Variants in GPR39 observed in about 807,000 individuals in gnomAD.
GPR39 encodes G protein-coupled receptor 39, also known as zinc sensing receptor.
A neutral mutation model predicts 18.4 loss-of-function variants in GPR39; 23 were observed. The ratio of observed to expected loss-of-function variants is 1.25; its 90% CI spans 0.90 to 1.77. The LOEUF (loss-of-function observed/expected upper bound fraction) is 1.77. Ranked by LOEUF, GPR39 falls within the 40% of genes most tolerant of loss-of-function variation. GPR39 has a pLI of 0.00. For synonymous variants in GPR39, 280 were observed against 257.9 expected, an observed-to-expected ratio of 1.09 and a Z score of -0.82; for missense variants, 647 against 602.4, an observed-to-expected ratio of 1.07 and a Z score of -0.78.
intron 1 of GPR39, among the ~76,000 whole-genome samples, chr2:132,568,239 A>T (rs1464800725): frequency 6.6e-6 from 1 of 152,124 alleles, no homozygotes; most frequent in African/African-American, 2.4e-5. Context: ...GGGGAGATTT[A>T]GAAAAAGTGT....
chr2:132,476,205 A>G (rs1166426830), intron 1 of GPR39, among the ~76,000 whole-genome samples: 1 of 152,194 alleles, frequency 6.6e-6, no homozygotes, highest in Non-Finnish European at 1.5e-5. Context: ...AAAAGACCAA[A>G]GGTGAATTGT....
chr2:132,504,228 A>G lies in GPR39; in HGVS notation c.856+86330A>G, dbSNP rs73957914. On this transcript the variant is annotated intron_variant, in intron 1 of 1. Coordinates refer to ENST00000329321, the MANE Select transcript of GPR39 (RefSeq NM_001508.3). ...GAGCTGCAAGCTAGTCTTTCTTCCT[A>G]TCATATCTATGATTCTTTAGCAATT... Among the ~76,000 whole-genome samples the G allele has an allele frequency of 2.4e-3, 369 of 152,264 alleles. 1 individual carries two copies. Among genetic ancestry groups the G allele is most frequent in the South Asian group, 9.5e-3 (46 of 4,822 alleles).
At chr2:132,444,449 C>G (rs1476539007) in intron 1 of GPR39, among the ~76,000 whole-genome samples, 3 of 152,110 alleles carry the variant, frequency 2.0e-5, no homozygotes, top group Non-Finnish European at 4.4e-5. Context: ...CGCCCATACC[C>G]AGTTGACTTT....
chr2:132,534,734 C>G (rs1435379463), intron 1 of GPR39, among the ~76,000 whole-genome samples: 1 of 151,506 alleles, frequency 6.6e-6, no homozygotes, highest in Non-Finnish European at 1.5e-5. Context: ...CAAACTATCG[C>G]AAGGACAAAA....
intron 1 of GPR39, among the ~76,000 whole-genome samples, chr2:132,644,074 AT>A (rs917148539): frequency 6.6e-6 from 1 of 152,200 alleles, no homozygotes; most frequent in African/African-American, 2.4e-5. Context: ...TGCTTCACAG[AT>A]CCCCTGATCT....
At chr2:132,494,251 G>A (rs1681595667) in intron 1 of GPR39, among the ~76,000 whole-genome samples, 1 of 152,136 alleles carries the variant, frequency 6.6e-6, no homozygotes, top group Non-Finnish European at 1.5e-5. Flanking sequence ...TAATATGGCT[G>A]ATGCCTCCAC....
intron 1 of GPR39, among the ~76,000 whole-genome samples, chr2:132,544,660 G>A (rs907480797): frequency 3.3e-5 from 5 of 152,230 alleles, no homozygotes; most frequent in African/African-American, 1.2e-4. Context: ...TCATCCTGCA[G>A]TTGGGCTGGG....
At chr2:132,531,127 CAT>C (rs1679619844) in intron 1 of GPR39, among the ~76,000 whole-genome samples, 3 of 152,132 alleles carry the variant, frequency 2.0e-5, no homozygotes, top group Admixed American at 1.3e-4. Context: ...TGCAGAGACA[CAT>C]ATAGGCTCAA....
At chr2:132,625,789 C>T (rs1309940620) in intron 1 of GPR39, among the ~76,000 whole-genome samples, 1 of 152,146 alleles carries the variant, frequency 6.6e-6, no homozygotes, top group Non-Finnish European at 1.5e-5. Flanking sequence ...TTATGATTCT[C>T]TTAGTCCAAC....
At chr2:132,466,456 T>C (rs975501092) in intron 1 of GPR39, among the ~76,000 whole-genome samples, 1 of 152,174 alleles carries the variant, frequency 6.6e-6, no homozygotes, top group African/African-American at 2.4e-5. Context: ...AAGGTCAGGG[T>C]AGGCTCCAGC....
At position 132,493,029 on chromosome 2, in the gene GPR39, T is replaced by C. The variant is rs1349091156; in HGVS notation, c.856+75131T>C. Among the ~76,000 whole-genome samples the C allele has an allele frequency of 4.6e-5, 6 of 130,092 alleles. No homozygotes were observed. The East Asian group carries it at 8.7e-4, about 19-fold the overall frequency. 85.3% of individuals were successfully genotyped at this position (130,092 alleles called of 152,430 possible). A position where few individuals can be genotyped will look rare whatever the true frequency, so the allele number is the denominator to read the frequency against. ...ATATACACTATATATACTATATATA[T>C]ACCATATATATACCATATATACCAT... On this transcript the variant is annotated intron_variant, in intron 1 of 1. Transcript: ENST00000329321.
At chr2:132,522,765 A>G (rs1679447993) in intron 1 of GPR39, among the ~76,000 whole-genome samples, 2 of 152,242 alleles carry the variant, frequency 1.3e-5, no homozygotes, top group African/African-American at 4.8e-5. Context: ...GCCAGGAAGC[A>G]GAGCCTCCTT....
At chr2:132,498,237 GC>G (rs1681685550) in intron 1 of GPR39, among the ~76,000 whole-genome samples, 2 of 151,910 alleles carry the variant, frequency 1.3e-5, no homozygotes, top group African/African-American at 4.8e-5. Flanking sequence ...ATACCTTGCT[GC>G]CCCCCACCCT....
At chr2:132,633,397 G>A (rs981970303) in intron 1 of GPR39, among the ~76,000 whole-genome samples, 12 of 149,812 alleles carry the variant, frequency 8.0e-5, no homozygotes, top group Non-Finnish European at 1.6e-4. Context: ...AGGAGTTAAG[G>A]CCTTAGGGCA....
intron 1 of GPR39, among the ~76,000 whole-genome samples, chr2:132,462,463 A>G (rs1458678558): frequency 6.6e-6 from 1 of 152,220 alleles, no homozygotes; most frequent in Non-Finnish European, 1.5e-5. Context: ...GGGGCAGAGT[A>G]GGGAGGGGAA....
chr2:132,492,479 C>T (rs947069038), intron 1 of GPR39, among the ~76,000 whole-genome samples: 1 of 140,432 alleles, frequency 7.1e-6, no homozygotes, highest in African/African-American at 2.6e-5. Flanking sequence ...TATATATACA[C>T]CATATATATA....
At chr2:132,492,077 A>G (rs1049373611) in intron 1 of GPR39, among the ~76,000 whole-genome samples, 1 of 150,506 alleles carries the variant, frequency 6.6e-6, no homozygotes, top group Non-Finnish European at 1.5e-5. Flanking sequence ...CACCACATAT[A>G]TATACACACC....
At chr2:132,483,790 G>T (rs965185998) in intron 1 of GPR39, among the ~76,000 whole-genome samples, 1 of 152,138 alleles carries the variant, frequency 6.6e-6, no homozygotes, top group South Asian at 2.1e-4. Context: ...AAGAATGTTT[G>T]TGGCATCTGG....
intron 1 of GPR39, among the ~76,000 whole-genome samples, chr2:132,567,099 G>A (rs1211355379): frequency 7.2e-5 from 11 of 152,162 alleles, no homozygotes; most frequent in African/African-American, 4.8e-5. Context: ...TTGGGAGGCC[G>A]AGGCAGGTGG....
Sources: gnomAD v4.1 joint callset for allele counts (sites outside exome capture counted in the v4.1 genomes callset) on GRCh38, gnomAD v4.1.1 for gene constraint, MANE v1.5 for transcripts, NCBI Gene and HGNC (gene_info 2026-07-23, HGNC 2026-07-21) for gene names.